THSD4: variants seen among roughly 807,000 people sequenced by gnomAD.
THSD4 encodes the protein thrombospondin type 1 domain containing 4.
A neutral mutation model predicts 119.0 loss-of-function variants in THSD4; 69 were observed. The observed-to-expected ratio is 0.58, with a 90% CI of 0.48 to 0.71. The LOEUF (loss-of-function observed/expected upper bound fraction) is 0.71. THSD4 is among the 30% of genes least tolerant of loss of function. THSD4 has a pLI of 0.00. For missense variants in THSD4, 1,393 were observed against 1,391.1 expected, an observed-to-expected ratio of 1.00 and a Z score of -0.02; for synonymous variants, 524 against 540.4, an observed-to-expected ratio of 0.97 and a Z score of 0.42.
intron 8 of THSD4, among the ~76,000 whole-genome samples, chr15:71,706,280 A>G (rs577774447): frequency 3.1e-4 from 47 of 152,298 alleles, no homozygotes; most frequent in Non-Finnish European, 6.0e-4. Flanking sequence ...GTAAAAGAAG[A>G]GCCAGGGGAA....
intron 7 of THSD4, among the ~76,000 whole-genome samples, chr15:71,442,915 C>A (rs2047129772): frequency 6.6e-6 from 1 of 151,358 alleles, no homozygotes. Context: ...TCCCCATAGT[C>A]CCTTGTGCTT....
intron 7 of THSD4, among the ~76,000 whole-genome samples, chr15:71,523,719 G>T (rs995917736): frequency 2.6e-5 from 4 of 152,196 alleles, no homozygotes; most frequent in Admixed American, 2.0e-4. Flanking sequence ...GGAAATGGAA[G>T]CAGGAGATAT....
intron 7 of THSD4, among the ~76,000 whole-genome samples, chr15:71,618,867 C>T (rs944108134): frequency 5.3e-5 from 8 of 152,066 alleles, no homozygotes; most frequent in African/African-American, 1.7e-4. Flanking sequence ...CATAAGCCAC[C>T]GTGCACAGCC....
chr15:71,694,567 G>A (rs912535910), intron 8 of THSD4, among the ~76,000 whole-genome samples: 3 of 152,130 alleles, frequency 2.0e-5, no homozygotes, highest in Non-Finnish European at 4.4e-5. Context: ...ATATGCAATT[G>A]TAAGAAATAA....
intron 7 of THSD4, among the ~76,000 whole-genome samples, chr15:71,492,758 A>C (rs368169795): frequency 6.6e-6 from 1 of 152,272 alleles, no homozygotes; most frequent in East Asian, 1.9e-4. Flanking sequence ...AAAGTGCAGA[A>C]GCTCCCTATT....
At chr15:71,490,653 C>T (rs1363510604) in intron 7 of THSD4, among the ~76,000 whole-genome samples, 1 of 151,582 alleles carries the variant, frequency 6.6e-6, no homozygotes, top group African/African-American at 2.4e-5. Flanking sequence ...TGCTTGAACC[C>T]AGGAGGCGGA....
At chr15:71,596,735 A>G (rs2049913613) in intron 7 of THSD4, among the ~76,000 whole-genome samples, 2 of 152,154 alleles carry the variant, frequency 1.3e-5, no homozygotes, top group Middle Eastern at 3.2e-3. Context: ...CCCCTTCTAC[A>G]TGGTAGGGTT....
At chr15:71,469,159 G>A (rs1261197539) in intron 7 of THSD4, among the ~76,000 whole-genome samples, 1 of 152,112 alleles carries the variant, frequency 6.6e-6, no homozygotes, top group Non-Finnish European at 1.5e-5. Flanking sequence ...GATATTGTTT[G>A]GGTGTTCTTC....
intron 6 of THSD4, chr15:71,341,495 G>T (rs1445734036): frequency 1.2e-6 from 2 of 1,613,120 alleles, no homozygotes; most frequent in Admixed American, 3.3e-5. Context: ...CCACTGCTTG[G>T]CCTGCGCACA....
intron 6 of THSD4, among the ~76,000 whole-genome samples, chr15:71,310,500 A>G (rs949522970): frequency 1.4e-4 from 22 of 152,342 alleles, no homozygotes; most frequent in Middle Eastern, 3.4e-3. Flanking sequence ...ATGGACAGCC[A>G]TGTAGAAACA....
At chr15:71,680,494 G>A (rs1423965279) in intron 8 of THSD4, among the ~76,000 whole-genome samples, 1 of 152,196 alleles carries the variant, frequency 6.6e-6, no homozygotes, top group East Asian at 1.9e-4. Flanking sequence ...GTTGATCAGA[G>A]AAAAAGGATT....
At chr15:71,268,030 T>C (rs1203104162) in intron 6 of THSD4, among the ~76,000 whole-genome samples, 2 of 152,270 alleles carry the variant, frequency 1.3e-5, no homozygotes, top group Non-Finnish European at 2.9e-5. Context: ...AACACCCCAC[T>C]GTCAATATTA....
chr15:71,743,695 A>T (rs182272754), intron 11 of THSD4, among the ~76,000 whole-genome samples: 7 of 152,218 alleles, frequency 4.6e-5, no homozygotes, highest in Non-Finnish European at 1.0e-4. Flanking sequence ...TTTTACTACC[A>T]GGGTAATTTA....
intron 3 of THSD4, among the ~76,000 whole-genome samples, chr15:71,205,540 T>C (rs1203780937): frequency 1.3e-5 from 2 of 152,162 alleles, no homozygotes; most frequent in Admixed American, 6.5e-5. Context: ...CTCCTTTATT[T>C]TGGTTTTGTG....
At chr15:71,126,006 T>C (rs2040452404) in intron 1 of THSD4, among the ~76,000 whole-genome samples, 1 of 152,184 alleles carries the variant, frequency 6.6e-6, no homozygotes, top group Non-Finnish European at 1.5e-5. Flanking sequence ...CATTATTCTG[T>C]TGGGCAGGGG....
chr15:71,364,370 T>C (rs1866920), intron 6 of THSD4, among the ~76,000 whole-genome samples: 31,231 of 152,218 alleles, frequency 0.21, 3,897 homozygotes, highest in East Asian at 0.54. Flanking sequence ...ATTTCATTAC[T>C]TAGCACTTTG....
At chr15:71,129,760 A>G (rs1426281627) in intron 1 of THSD4, among the ~76,000 whole-genome samples, 1 of 152,200 alleles carries the variant, frequency 6.6e-6, no homozygotes, top group Non-Finnish European at 1.5e-5. Flanking sequence ...GTTTTTTGGC[A>G]TACGTTGCAC....
At chr15:71,749,477 T>C (rs965637038) in intron 14 of THSD4, among the ~76,000 whole-genome samples, 3 of 151,688 alleles carry the variant, frequency 2.0e-5, no homozygotes, top group African/African-American at 7.3e-5. Flanking sequence ...ATCTAGGGAG[T>C]TTACCTGGGA....
chr15:71,399,638 T>C (rs1197193359), intron 6 of THSD4, among the ~76,000 whole-genome samples: 1 of 152,212 alleles, frequency 6.6e-6, no homozygotes, highest in African/African-American at 2.4e-5. Context: ...CGAGGTCTCC[T>C]TTCTCTATCC....
Sources: allele counts gnomAD v4.1 joint callset (sites outside exome capture counted in the v4.1 genomes callset), GRCh38; gene constraint gnomAD v4.1.1; transcripts MANE v1.5; gene names NCBI Gene and HGNC (gene_info 2026-07-23, HGNC 2026-07-21).